The following ZFX variants were observed in gnomAD, a reference collection of about 807,000 sequenced individuals.
ZFX encodes zinc finger X-chromosomal protein.
For synonymous variants in ZFX, 196 were observed against 226.8 expected, an observed-to-expected ratio of 0.86 and a Z score of 1.22; for missense variants, 362 against 628.3, an observed-to-expected ratio of 0.58 and a Z score of 4.53.
chrX:24,197,218 C>T (rs773108398), intron 5 of ZFX, among the ~76,000 whole-genome samples: 1 of 110,943 alleles, frequency 9.0e-6, no homozygotes, highest in Admixed American at 9.7e-5. Flanking sequence ...ACCTGTAATC[C>T]CAGCGCTGTA....
intron 5 of ZFX, among the ~76,000 whole-genome samples, chrX:24,194,463 A>G (rs1040402675): frequency 9.0e-6 from 1 of 111,258 alleles, no homozygotes; most frequent in African/African-American, 3.3e-5. Flanking sequence ...TGGCATGTCT[A>G]CACTGTCCCA....
In ZFX at chrX:24,207,329, A is replaced by G. The variant is rs1601976418; in HGVS notation, c.650A>G (p.Asp217Gly). ...GATTTATTTCCTTCCTTTTTAGTGG[A>G]TGATGCTGGCAAAATAGAACACGAT... ...NCEDYLMISL[D>G]DAGKIEHDGS... Residue 217 changes from aspartate (D) to glycine (G), a missense_variant, in exon 6 of 10, where the codon GAT (aspartate) becomes GGT (glycine). Transcript: ENST00000304543. 1 of 1,199,508 alleles carries G rather than the reference A, an allele frequency of 8.3e-7. No individual in the cohort carries two copies. The highest frequency in any genetic ancestry group is 1.1e-6 in the Non-Finnish European group (1 of 890,914).
At position 24,210,081 on chromosome X, in the gene ZFX, C is replaced by T. The variant is rs1388439831; in HGVS notation, c.1235-112C>T. 5 of 965,039 alleles carry T rather than the reference C, an allele frequency of 5.2e-6. No individual in the cohort carries two copies. In the African/African-American group the frequency reaches 9.8e-5, roughly 19 times the overall value. 79.5% of individuals were successfully genotyped at this position (965,039 alleles called of 1,213,427 possible). ...AAAGGAATGTTAAGCAGCAAATAGTCCAATTTAGGAGTCCTTGGCCAACAG... is the reference window on the plus strand; with the variant it reads ...AAAGGAATGTTAAGCAGCAAATAGTTCAATTTAGGAGTCCTTGGCCAACAG... On this transcript the variant is annotated intron_variant, in intron 9 of 9. Transcript: ENST00000304543.
At chrX:24,158,034 C>T (rs1426723537) in intron 3 of ZFX, among the ~76,000 whole-genome samples, 1 of 110,952 alleles carries the variant, frequency 9.0e-6, no homozygotes, top group African/African-American at 3.3e-5. Flanking sequence ...GCTAGGATTA[C>T]AGGCATGAGC....
rs961982302 is a variant in ZFX, at chrX:24,161,561, A to G, written c.-29+8731A>G. Among the ~76,000 whole-genome samples the G allele has an allele frequency of 3.6e-5, 4 of 111,972 alleles. No homozygotes were observed. The East Asian group carries it at 1.1e-3, about 31-fold the overall frequency. ...TGACCAGTGGCACAGGATAGAGTCCAAAAGTTGACCTACACATACAAGGTC... is the reference window on the plus strand; with the variant it reads ...TGACCAGTGGCACAGGATAGAGTCCGAAAGTTGACCTACACATACAAGGTC... On this transcript the variant is annotated intron_variant, in intron 3 of 9. Coordinates refer to ENST00000304543, the MANE Select transcript of ZFX (RefSeq NM_003410.4).
At position 24,212,559 on chromosome X, in the gene ZFX, C is replaced by CT. The variant is rs1237820400; in HGVS notation, c.*1186dup. On this transcript the variant is annotated 3_prime_UTR_variant, in exon 10 of 10. Transcript: ENST00000304543. Reference sequence around the variant, plus strand: ...TTTTCATACAATTTCACCTCCATGTCTTTATGTTTTTCTGAAAAGCAAATG... The same window carrying CT: ...TTTTCATACAATTTCACCTCCATGTCTTTTATGTTTTTCTGAAAAGCAAATG... 1 of 112,224 alleles carries CT rather than the reference C, an allele frequency of 8.9e-6. No homozygotes were observed. Among genetic ancestry groups the CT allele is most frequent in the Non-Finnish European group, 1.9e-5 (1 of 53,160 alleles). The allele number at this position is 112,224 out of a possible 1,213,427, so 9.2% of individuals were successfully genotyped here. A position where few individuals can be genotyped will look rare whatever the true frequency, so the allele number is the denominator to read the frequency against.
intron 3 of ZFX, among the ~76,000 whole-genome samples, chrX:24,166,292 C>T (rs1223308940): frequency 8.9e-6 from 1 of 112,054 alleles, no homozygotes; most frequent in African/African-American, 3.2e-5. Context: ...CTGATTGGCT[C>T]AGCGTGGTTT....
At position 24,213,937 on chromosome X, in the gene ZFX, AAC is replaced by A. The variant is rs1279215143; in HGVS notation, c.*2565_*2566del. 9.0e-6 allele frequency: 1 copy of A among 111,222 alleles called. No individual in the cohort carries two copies. Among genetic ancestry groups the A allele is most frequent in the African/African-American group, 3.3e-5 (1 of 30,512 alleles). The allele number at this position is 111,222 out of a possible 1,213,427, so 9.2% of individuals were successfully genotyped here. A position where few individuals can be genotyped will look rare whatever the true frequency, so the allele number is the denominator to read the frequency against. On this transcript the variant is annotated 3_prime_UTR_variant, in exon 10 of 10. Transcript: ENST00000304543. ...TTTTTAAATAAACTGAAAGATAAAG[AAC>A]ACAACACTTCACACATTTTATATTT...
intron 9 of ZFX, among the ~76,000 whole-genome samples, chrX:24,209,397 A>C (rs1423505075): frequency 8.9e-6 from 1 of 112,334 alleles, no homozygotes; most frequent in Non-Finnish European, 1.9e-5. Context: ...ACAGAGCAGC[A>C]GGATAAGTAC....
intron 3 of ZFX, among the ~76,000 whole-genome samples, chrX:24,153,721 T>C (rs1012087155): frequency 9.0e-6 from 1 of 111,454 alleles, no homozygotes; most frequent in African/African-American, 3.3e-5. Flanking sequence ...ATATTTGAAC[T>C]GTGTGTTTAT....
chrX:24,163,037 A>G (rs750082708), intron 3 of ZFX, among the ~76,000 whole-genome samples: 14 of 111,057 alleles, frequency 1.3e-4, no homozygotes, highest in Non-Finnish European at 2.4e-4. Flanking sequence ...TAATTTGTTA[A>G]CTGTTAAAAT....
intron 7 of ZFX, 41 bp from the exon 8 acceptor site, chrX:24,208,177 T>C: frequency 8.3e-7 from 1 of 1,205,815 alleles, no homozygotes; most frequent in Non-Finnish European, 1.1e-6. Flanking sequence ...CTGTGATCTC[T>C]GTAAACCTGG....
chrX:24,176,354 C>T (rs1176622334), intron 4 of ZFX, among the ~76,000 whole-genome samples: 4 of 105,594 alleles, frequency 3.8e-5, no homozygotes, highest in African/African-American at 1.4e-4. Context: ...TGAACATATT[C>T]TTTTTATTAT....
At chrX:24,157,738 C>T (rs748978448) in intron 3 of ZFX, among the ~76,000 whole-genome samples, 1 of 111,662 alleles carries the variant, frequency 9.0e-6, no homozygotes, top group South Asian at 3.8e-4. Flanking sequence ...CATAGTAGGA[C>T]CTTGAATGTG....
At position 24,214,441 on chromosome X, in the gene ZFX, T is replaced by G. The variant is rs1211369317; in HGVS notation, c.*3065T>G. 8.9e-6 allele frequency: 1 copy of G among 112,665 alleles called. No homozygotes were observed. Among genetic ancestry groups the G allele is most frequent in the African/African-American group, 3.2e-5 (1 of 30,910 alleles). The allele number at this position is 112,665 out of a possible 1,213,427, so 9.3% of individuals were successfully genotyped here. On this transcript the variant is annotated 3_prime_UTR_variant, in exon 10 of 10. Coordinates refer to ENST00000304543, the MANE Select transcript of ZFX (RefSeq NM_003410.4). ...AGTCTATTTGATACCAGTACTAAGT[T>G]AATGCTTTTTCTCAAGGAAAAAAAA...
Position 24,210,352 on chromosome X carries a change from C to T in ZFX, c.1394C>T (p.Thr465Ile). ...CGCTGTACTGACTGTGATTACACTA[C>T]CAACAAGAAGATAAGTTTACACAAC... ...KYRCTDCDYT[T>I]NKKISLHNHL... The change falls in exon 10 of 10, where the codon ACC (threonine) becomes ATC (isoleucine). Residue 465 changes from threonine (T) to isoleucine (I), a missense_variant. Physicochemically the swap from Thr to Ile is moderately conservative, Grantham distance 89. Coordinates refer to ENST00000304543, the MANE Select transcript of ZFX (RefSeq NM_003410.4). 8.3e-7 allele frequency: 1 copy of T among 1,211,658 alleles called. No individual in the cohort carries two copies. The highest frequency in any genetic ancestry group is 1.1e-6 in the Non-Finnish European group (1 of 895,548).
intron 4 of ZFX, among the ~76,000 whole-genome samples, chrX:24,176,319 G>A (rs1935131662): frequency 9.1e-6 from 1 of 109,383 alleles, no homozygotes; most frequent in South Asian, 3.9e-4. Context: ...GATTACAGGT[G>A]TGAGCCACCG....
chrX:24,153,135 GATA>G (rs1422263339), intron 3 of ZFX, among the ~76,000 whole-genome samples: 1 of 112,008 alleles, frequency 8.9e-6, no homozygotes, highest in African/African-American at 3.2e-5. Flanking sequence ...TTCTGTCACT[GATA>G]ATCTTCTTTG....
At chrX:24,169,878 AG>A (rs1381461119) in intron 3 of ZFX, among the ~76,000 whole-genome samples, 2 of 111,096 alleles carry the variant, frequency 1.8e-5, no homozygotes, top group African/African-American at 6.6e-5. Flanking sequence ...GAGGGTGAGC[AG>A]CCAGCAGTTA....
Sources: gnomAD v4.1 joint callset for allele counts (sites outside exome capture counted in the v4.1 genomes callset) on GRCh38, gnomAD v4.1.1 for gene constraint, MANE v1.5 for transcripts, NCBI Gene and HGNC (gene_info 2026-07-23, HGNC 2026-07-21) for gene names.